Variants in CNGB1 observed in about 807,000 individuals in gnomAD.
The protein encoded by CNGB1 is cyclic nucleotide gated channel subunit beta 1, also known as cyclic nucleotide-gated channel beta-1.
In CNGB1, 126 loss-of-function variants were observed where a neutral mutation model predicts 151.7. The observed-to-expected ratio is 0.83, with a 90% CI of 0.72 to 0.96. The LOEUF (loss-of-function observed/expected upper bound fraction) is 0.96. CNGB1 is among the 40% of genes least tolerant of loss of function. CNGB1 has a pLI of 0.00. For missense variants in CNGB1, 1,698 were observed against 1,627.0 expected, an observed-to-expected ratio of 1.04 and a Z score of -0.75; for synonymous variants, 623 against 635.1, an observed-to-expected ratio of 0.98 and a Z score of 0.29.
At position 57,967,451 on chromosome 16, in the gene CNGB1, T is replaced by C. The variant is rs990236094; in HGVS notation, c.-8-157A>G. 19 of 716,752 alleles carry C rather than the reference T, an allele frequency of 2.7e-5. No homozygotes were observed. In the Admixed American group the frequency reaches 3.8e-4, roughly 14 times the overall value. The allele number at this position is 716,752 out of a possible 1,614,324, so 44.4% of individuals were successfully genotyped here. On this transcript the variant is annotated intron_variant, in intron 1 of 32. Transcript: ENST00000251102. ...GCTCACACCTGTAATCCCAGCAATTTGGGAGGCTGAGATGGGCCGATTGCT... is the reference window on the plus strand; with the variant it reads ...GCTCACACCTGTAATCCCAGCAATTCGGGAGGCTGAGATGGGCCGATTGCT...
chr16:57,887,759 TA>T, intron 32 of CNGB1, 95 bp downstream of exon 32: 1 of 1,230,636 alleles, frequency 8.1e-7, no homozygotes, highest in Non-Finnish European at 1.2e-6. Flanking sequence ...GGGAAGACCC[TA>T]AAACTAAATG....
Position 57,962,995 on chromosome 16 carries a change from G to A in CNGB1, c.360C>T (p.Ser120=), listed in dbSNP as rs771592481. Residue 120 remains serine (S), a synonymous_variant, in exon 5 of 33, where the codon AGC becomes AGT. Coordinates refer to ENST00000251102, the MANE Select transcript of CNGB1 (RefSeq NM_001297.5). ...GTACCTGAGCCGGGTCCTCCGTGAT[G>A]CTGTGAACAGGCTGCGGGATCACCT... is the stretch of plus-strand genomic sequence containing the variant. ...VEKVIPQPVH[S]ITEDPAQILG... 6.2e-7 allele frequency: 1 copy of A among 1,613,402 alleles called. No homozygotes were observed. Among genetic ancestry groups the A allele is most frequent in the Non-Finnish European group, 8.5e-7 (1 of 1,179,984 alleles).
intron 20 of CNGB1, among the ~76,000 whole-genome samples, 167 bp downstream of exon 20, chr16:57,918,932 A>C (rs1354251768): frequency 6.6e-6 from 1 of 152,220 alleles, no homozygotes; most frequent in East Asian, 1.9e-4. Context: ...TTTGAGAATC[A>C]GGCAAGAAAC....
rs1386826578 is a variant in CNGB1 at position 57,959,970 on chromosome 16, G to C, written c.679C>G (p.Pro227Ala). ...TPIPLQPKEE[P>A]KEAPAPEPQP... ...GGCTCTGGAGCTGGTGCCTCCTTGG[G>C]TTCCTCCTTGGGCTGCAGGGGGATG... The change falls in exon 10 of 33, where the codon CCC becomes GCC. Residue 227 changes from proline to alanine, a missense_variant. Physicochemically the swap from Pro to Ala is conservative, Grantham distance 27. Coordinates refer to ENST00000251102, the MANE Select transcript of CNGB1 (RefSeq NM_001297.5). The C allele has an allele frequency of 6.3e-7, 1 of 1,591,340 alleles. No homozygotes were observed. Among genetic ancestry groups the C allele is most frequent in the Admixed American group, 1.7e-5 (1 of 57,340 alleles).
chr16:57,938,729 C>T (rs1394361770), intron 16 of CNGB1, among the ~76,000 whole-genome samples: 1 of 152,260 alleles, frequency 6.6e-6, no homozygotes, highest in East Asian at 1.9e-4. Context: ...GGCTGAAGAC[C>T]CATTGCGTGG....
At chr16:57,964,101 C>T (rs749762803) in intron 4 of CNGB1, 29 bp downstream of exon 4, 2 of 1,611,388 alleles carry the variant, frequency 1.2e-6, no homozygotes, top group Admixed American at 3.3e-5. Context: ...GCGGGCTGGC[C>T]CTGAAGAGAG....
At chr16:57,944,047 C>T (rs1268584968) in intron 14 of CNGB1, among the ~76,000 whole-genome samples, 1 of 151,750 alleles carries the variant, frequency 6.6e-6, no homozygotes, top group East Asian at 1.9e-4. Flanking sequence ...GTTACCACAC[C>T]CGGCTAATTT....
At chr16:57,890,626 C>T (rs1242222353) in intron 31 of CNGB1, among the ~76,000 whole-genome samples, 7 of 152,222 alleles carry the variant, frequency 4.6e-5, no homozygotes, top group Admixed American at 6.5e-5. Context: ...GAGCAAGTGA[C>T]CCACATAAGA....
intron 20 of CNGB1, among the ~76,000 whole-genome samples, chr16:57,917,896 AG>A (rs1445555333): frequency 7.9e-5 from 12 of 151,990 alleles, no homozygotes; most frequent in Non-Finnish European, 1.8e-4. Context: ...TGGTATTATA[AG>A]ATAATAGGCA....
chr16:57,960,396 T>A, intron 9 of CNGB1, 86 bp downstream of exon 9: 2 of 1,522,646 alleles, frequency 1.3e-6, no homozygotes, highest in Non-Finnish European at 1.8e-6. Flanking sequence ...TAAGGGCCTC[T>A]GGGGGATCCT....
chr16:57,912,914 G>T lies in CNGB1; in HGVS notation c.2369+16C>A, dbSNP rs751462719. On this transcript the variant is annotated intron_variant, in intron 24 of 32. Coordinates refer to ENST00000251102, the MANE Select transcript of CNGB1 (RefSeq NM_001297.5). ...CATGTGTGTGTGCATGCATGCACATGCAGGGGGAGTCTCACCTGTACACGT... is the reference window on the plus strand; with the variant it reads ...CATGTGTGTGTGCATGCATGCACATTCAGGGGGAGTCTCACCTGTACACGT... 1 of 1,613,232 alleles carries T rather than the reference G, an allele frequency of 6.2e-7. No individual in the cohort carries two copies. The highest frequency in any genetic ancestry group is 1.1e-5 in the South Asian group (1 of 91,072).
At position 57,898,838 on chromosome 16, in the gene CNGB1, G is replaced by A. The variant is rs145864154; in HGVS notation, c.2977-924C>T. Among the ~76,000 whole-genome samples, 380 of 152,354 alleles carry A rather than the reference G, an allele frequency of 2.5e-3. 1 individual carries two copies. In the Middle Eastern group the frequency reaches 0.027, roughly 11 times the overall value. On this transcript the variant is annotated intron_variant, in intron 29 of 32. Coordinates refer to ENST00000251102, the MANE Select transcript of CNGB1 (RefSeq NM_001297.5). ...GTTCCAGAGTTCATGGTTGTTATGG[G>A]TTGAATTATGTACTCCCTCCCAAAT...
intron 17 of CNGB1, among the ~76,000 whole-genome samples, chr16:57,930,537 A>G (rs928265981): frequency 1.2e-5 from 1 of 86,224 alleles, no homozygotes; most frequent in Admixed American, 1.9e-4. Flanking sequence ...AGGGGAAGAG[A>G]GGGGAGGGGA....
At chr16:57,962,181 G>A (rs1443667348) in intron 7 of CNGB1, among the ~76,000 whole-genome samples, 1 of 152,264 alleles carries the variant, frequency 6.6e-6, no homozygotes, top group South Asian at 2.1e-4. Flanking sequence ...AGTCAGCTCT[G>A]AGAACTCAGA....
At chr16:57,923,007 G>A (rs1421892602) in intron 18 of CNGB1, 1 of 368,746 alleles carries the variant, frequency 2.7e-6, no homozygotes, top group Non-Finnish European at 5.2e-6. Flanking sequence ...TTCACAAGGG[G>A]ACCTCTGCCT....
intron 20 of CNGB1, 151 bp from the exon 21 acceptor site, chr16:57,917,627 T>TACACAC (rs146174302): frequency 1.8e-5 from 10 of 566,076 alleles, no homozygotes; most frequent in South Asian, 7.6e-5. Flanking sequence ...TGTGTATATA[T>TACACAC]ACACACACAC....
chr16:57,906,632 G>A (rs761414429), intron 25 of CNGB1, among the ~76,000 whole-genome samples: 1 of 152,238 alleles, frequency 6.6e-6, no homozygotes, highest in African/African-American at 2.4e-5. Context: ...GGCCATCAGA[G>A]GGCACGCGAA....
At chr16:57,889,615 G>A (rs1266772589) in intron 31 of CNGB1, among the ~76,000 whole-genome samples, 1 of 152,200 alleles carries the variant, frequency 6.6e-6, no homozygotes, top group African/African-American at 2.4e-5. Context: ...AGCTAAATTT[G>A]TGGTAATACT....
chr16:57,931,605 G>A lies in CNGB1; in HGVS notation c.1535+111C>T, dbSNP rs1160170332. ...ATAGTCCCACTTCTGACACCAACTC[G>A]CTGTGTGATTTTAGTCCAGCTGCTT... On this transcript the variant is annotated intron_variant, in intron 17 of 32. Coordinates refer to ENST00000251102, the MANE Select transcript of CNGB1 (RefSeq NM_001297.5). 68 of 1,244,062 alleles carry A rather than the reference G, an allele frequency of 5.5e-5. No homozygotes were observed. In the Admixed American group the frequency reaches 1.2e-3, roughly 22 times the overall value. The allele number at this position is 1,244,062 out of a possible 1,614,324, so 77.1% of individuals were successfully genotyped here. A position where few individuals can be genotyped will look rare whatever the true frequency, so the allele number is the denominator to read the frequency against.
Sources: gnomAD v4.1 joint callset for allele counts (sites outside exome capture counted in the v4.1 genomes callset) on GRCh38, gnomAD v4.1.1 for gene constraint, MANE v1.5 for transcripts, NCBI Gene and HGNC (gene_info 2026-07-23, HGNC 2026-07-21) for gene names.